CAMKK2: variants seen among roughly 807,000 people sequenced by gnomAD.
The protein encoded by CAMKK2 is calcium/calmodulin-dependent protein kinase kinase 2.
In CAMKK2, 30 loss-of-function variants were observed where a neutral mutation model predicts 67.2. The observed-to-expected ratio is 0.45, with a 90% CI of 0.33 to 0.61. The LOEUF (loss-of-function observed/expected upper bound fraction) is 0.61. Among genes scored for constraint, CAMKK2 ranks in the 20% least tolerant of loss-of-function variants. The pLI, the probability that CAMKK2 is intolerant of heterozygous loss-of-function variation, is 0.02. For missense variants in CAMKK2, 643 were observed against 802.0 expected (o/e 0.80, Z 2.39); for synonymous variants, 322 against 326.2 (o/e 0.99, Z 0.14).
chr12:121,268,105 AT>A (rs1221417750), intron 5 of CAMKK2, among the ~76,000 whole-genome samples: 1 of 53,006 alleles, frequency 1.9e-5, no homozygotes, highest in Non-Finnish European at 3.5e-5. Context: ...TATATACTCT[AT>A]TCATATTACT....
chr12:121,255,236 T>TATATATTTTTA (rs1566058215), intron 9 of CAMKK2, among the ~76,000 whole-genome samples: 1 of 3,230 alleles, frequency 3.1e-4, no homozygotes, highest in Non-Finnish European at 4.8e-4. Context: ...ATATATAATT[T>TATATATTTTTA]TATATATATA....
intron 11 of CAMKK2, among the ~76,000 whole-genome samples, chr12:121,251,995 C>T (rs10774589): frequency 0.26 from 40,261 of 152,044 alleles, 6,076 homozygotes; most frequent in African/African-American, 0.4. Context: ...AATACCCTGA[C>T]GGAAAGAACA....
intron 1 of CAMKK2, among the ~76,000 whole-genome samples, chr12:121,289,042 G>A (rs566527813): frequency 6.6e-6 from 1 of 151,954 alleles, no homozygotes; most frequent in South Asian, 2.1e-4. Context: ...GTTCCCCAGG[G>A]TATAGCCTGT....
rs71850101 is a variant in CAMKK2, at chr12:121,268,083, C to CATATATAT, written c.625+547_625+554dup. ...TGGCTGAATAATATTCCATTGGATGCATATATATATATATATACTCTATTC... is the reference window on the plus strand; with the variant it reads ...TGGCTGAATAATATTCCATTGGATGCATATATATATATATATATATATATACTCTATTC... On this transcript the variant is annotated intron_variant, in intron 5 of 16. Transcript: ENST00000404169. Among the ~76,000 whole-genome samples, 60 of 97,008 alleles carry CATATATAT rather than the reference C, an allele frequency of 6.2e-4. 4 individuals carry two copies. Among genetic ancestry groups the CATATATAT allele is most frequent in the Middle Eastern group, 5.4e-3 (1 of 184 alleles). 63.6% of individuals were successfully genotyped at this position (97,008 alleles called of 152,430 possible).
At chr12:121,274,830 C>G (rs1230858332) in intron 1 of CAMKK2, among the ~76,000 whole-genome samples, 1 of 121,294 alleles carries the variant, frequency 8.2e-6, no homozygotes, top group East Asian at 2.3e-4. Flanking sequence ...GAGACAAGGT[C>G]TCTCCCTCTC....
At chr12:121,254,525 T>C (rs1891457707) in intron 9 of CAMKK2, among the ~76,000 whole-genome samples, 1 of 152,022 alleles carries the variant, frequency 6.6e-6, no homozygotes, top group African/African-American at 2.4e-5. Context: ...ACCACTGATG[T>C]GTACTGGCTG....
intron 1 of CAMKK2, among the ~76,000 whole-genome samples, chr12:121,277,892 G>C (rs774459880): frequency 1.3e-5 from 2 of 152,150 alleles, no homozygotes; most frequent in African/African-American, 4.8e-5. Flanking sequence ...ACTTGAACCC[G>C]GGAGGCACAG....
intron 13 of CAMKK2, among the ~76,000 whole-genome samples, chr12:121,249,347 C>T (rs1406605024): frequency 6.6e-6 from 1 of 152,214 alleles, no homozygotes; most frequent in Non-Finnish European, 1.5e-5. Context: ...TAGGGGAATA[C>T]ACTTTCCTAA....
rs900383720 is a variant in CAMKK2, at chr12:121,253,864, A to G, written c.908-392T>C. Among the ~76,000 whole-genome samples, 1 of 152,184 alleles carries G rather than the reference A, an allele frequency of 6.6e-6. No homozygotes were observed. The highest frequency in any genetic ancestry group is 2.4e-5 in the African/African-American group (1 of 41,428). On this transcript the variant is annotated intron_variant, in intron 9 of 16. Transcript: ENST00000404169. The surrounding 1 kb of genome is among the most constrained non-coding windows in gnomAD (Gnocchi z 5.0). ...ACATAGTTTCATTTACCAACAGCCA[A>G]TACTCAACTGATTTACCAAACCGAC...
At chr12:121,284,432 C>T (rs1326670958) in intron 1 of CAMKK2, among the ~76,000 whole-genome samples, 2 of 152,102 alleles carry the variant, frequency 1.3e-5, no homozygotes, top group African/African-American at 4.8e-5. Context: ...TTAAGCAATT[C>T]TCCTGCTTCA....
chr12:121,260,196 A>C (rs567715916), intron 7 of CAMKK2, 123 bp downstream of exon 7: 16 of 803,882 alleles, frequency 2.0e-5, no homozygotes, highest in Non-Finnish European at 2.0e-6. Context: ...GGCCAGCTGG[A>C]CCAGGAAAGG....
chr12:121,249,397 G>T (rs1462141881), intron 13 of CAMKK2, among the ~76,000 whole-genome samples: 1 of 152,244 alleles, frequency 6.6e-6, no homozygotes, highest in Non-Finnish European at 1.5e-5. Flanking sequence ...GCAGGCTGGG[G>T]AGGTCGAATT....
rs367642041 is a variant in CAMKK2, at chr12:121,252,632, C to G, written c.1161+29G>C. ...TTAACCCAGGGGCCACCCAGCAGTA[C>G]TGAGGGGACAGACACCCCGCCCTCT... On this transcript the variant is annotated intron_variant, in intron 11 of 16. Transcript: ENST00000404169. The G allele has an allele frequency of 1.9e-6, 3 of 1,610,230 alleles. No individual in the cohort carries two copies. In the African/African-American group the frequency reaches 4.0e-5, roughly 22 times the overall value.
Position 121,274,273 on chromosome 12 carries a change from G to A in CAMKK2, c.254C>T (p.Thr85Ile), listed in dbSNP as rs1248158748. 2 of 1,612,202 alleles carry A rather than the reference G, an allele frequency of 1.2e-6. No individual in the cohort carries two copies. The highest frequency in any genetic ancestry group is 1.3e-5 in the African/African-American group (1 of 75,018). Residue 85 changes from threonine (T) to isoleucine (I), a missense_variant, in exon 2 of 17, where the codon ACC becomes ATC. Physicochemically the swap from Thr to Ile is moderately conservative, Grantham distance 89. Transcript: ENST00000404169. Reference sequence around the variant, plus strand: ...GTGGGGCCGGGCCTGGGACCCGGAGGTGTCAAGGGGGACCTCTTGGCCATC... The same window carrying A: ...GTGGGGCCGGGCCTGGGACCCGGAGATGTCAAGGGGGACCTCTTGGCCATC... ...EADGQEVPLD[T>I]SGSQARPHLS... is the part of the protein sequence containing the mutation.
chr12:121,295,092 C>G (rs1208412989), intron 1 of CAMKK2, among the ~76,000 whole-genome samples: 3 of 152,170 alleles, frequency 2.0e-5, no homozygotes, highest in Non-Finnish European at 4.4e-5. Context: ...ATCGCTTGAA[C>G]CCGGGAGGCG....
At chr12:121,250,660 A>C (rs1890538081) in intron 11 of CAMKK2, among the ~76,000 whole-genome samples, 1 of 152,236 alleles carries the variant, frequency 6.6e-6, no homozygotes, top group East Asian at 1.9e-4. Context: ...CCCTGACGTT[A>C]TCGTACAGAT....
intron 6 of CAMKK2, among the ~76,000 whole-genome samples, chr12:121,263,511 AAG>A (rs1366761097): frequency 6.6e-6 from 1 of 152,206 alleles, no homozygotes; most frequent in African/African-American, 2.4e-5. Flanking sequence ...TGTAAGTAGA[AAG>A]AGAACCAGCT....
intron 1 of CAMKK2, among the ~76,000 whole-genome samples, chr12:121,294,975 G>A (rs1374524342): frequency 6.6e-6 from 1 of 152,138 alleles, no homozygotes; most frequent in African/African-American, 2.4e-5. Context: ...TTCAAGACCA[G>A]CCTGACCAAC....
chr12:121,277,432 TA>T (rs570111457), intron 1 of CAMKK2, among the ~76,000 whole-genome samples: 69 of 152,294 alleles, frequency 4.5e-4, no homozygotes, highest in Non-Finnish European at 7.2e-4. Flanking sequence ...ACTTGTACAC[TA>T]ATGTTCATAG....
Sources: gnomAD v4.1 joint callset for allele counts (sites outside exome capture counted in the v4.1 genomes callset) on GRCh38, gnomAD v4.1.1 for gene constraint, Gnocchi (gnomAD v3.1) non-coding constraint, MANE v1.5 for transcripts, NCBI Gene and HGNC (gene_info 2026-07-23, HGNC 2026-07-21) for gene names.